Variants in CUBN observed in about 807,000 individuals in gnomAD.
CUBN encodes the protein cubilin, also known as 460 kDa receptor.
CUBN carries 282 observed loss-of-function variants against 405.3 expected under a neutral mutation model. The observed-to-expected ratio is 0.70, with a 90% confidence interval of 0.63 to 0.77. The LOEUF is 0.77. CUBN is among the 30% of genes least tolerant of loss of function. The pLI, the probability that CUBN is intolerant of heterozygous loss-of-function variation, is 0.00. For missense variants in CUBN, 4,514 were observed against 4,475.2 expected, an observed-to-expected ratio of 1.01 and a Z score of -0.25; for synonymous variants, 1,684 against 1,617.0, an observed-to-expected ratio of 1.04 and a Z score of -0.99.
intron 31 of CUBN, among the ~76,000 whole-genome samples, chr10:16,973,768 C>T (rs1833007857): frequency 6.6e-6 from 1 of 152,154 alleles, no homozygotes; most frequent in Non-Finnish European, 1.5e-5. Flanking sequence ...TGTGTTACTT[C>T]ATTTAGGATT....
intron 24 of CUBN, among the ~76,000 whole-genome samples, 167 bp downstream of exon 24, chr10:17,045,767 G>T (rs1272006507): frequency 6.6e-6 from 1 of 152,058 alleles, no homozygotes; most frequent in Non-Finnish European, 1.5e-5. Flanking sequence ...TTCTCCCTTT[G>T]TCTGTTAAAA....
intron 28 of CUBN, among the ~76,000 whole-genome samples, chr10:17,004,775 T>C (rs1833973357): frequency 6.6e-6 from 1 of 151,900 alleles, no homozygotes; most frequent in Admixed American, 6.6e-5. Flanking sequence ...TTTCAAGCTA[T>C]TCTCCTGCCT....
intron 55 of CUBN, among the ~76,000 whole-genome samples, chr10:16,889,953 A>AAG (rs57009841): frequency 0.081 from 9,576 of 117,550 alleles, 1,106 homozygotes; most frequent in South Asian, 0.11. Flanking sequence ...AAAAAAAAAA[A>AAG]CAGGAAAGAC....
chr10:16,851,515 A>T, intron 59 of CUBN, 72 bp from the exon 60 acceptor site: 1 of 1,346,270 alleles, frequency 7.4e-7, no homozygotes, highest in African/African-American at 1.4e-5. Flanking sequence ...GAGGGTTTTT[A>T]AAAAGAACAT....
intron 58 of CUBN, among the ~76,000 whole-genome samples, chr10:16,872,349 C>CATACAT (rs1554785649): frequency 1.3e-5 from 2 of 148,990 alleles, no homozygotes; most frequent in African/African-American, 5.1e-5. Flanking sequence ...TGTATACATA[C>CATACAT]ATATATATAT....
At chr10:17,120,448 C>T (rs184427861) in intron 6 of CUBN, among the ~76,000 whole-genome samples, 124 of 152,330 alleles carry the variant, frequency 8.1e-4, no homozygotes, top group Middle Eastern at 6.8e-3. Flanking sequence ...TCCAGCAAAT[C>T]TATGAAGGGC....
intron 31 of CUBN, among the ~76,000 whole-genome samples, chr10:16,954,830 CCAGTGTAGTCACCT>C (rs1843008021): frequency 6.6e-6 from 1 of 152,170 alleles, no homozygotes; most frequent in Admixed American, 6.5e-5. Context: ...CTTCCCAACC[CCAGTGTAGTCACCT>C]CACAGGCCAT....
intron 31 of CUBN, among the ~76,000 whole-genome samples, chr10:16,967,046 T>C (rs1330776344): frequency 6.6e-6 from 1 of 152,184 alleles, no homozygotes. Context: ...ATACAAGCTG[T>C]TACAGTCATA....
chr10:16,956,950 T>C (rs1480589200), intron 31 of CUBN, among the ~76,000 whole-genome samples: 2 of 152,200 alleles, frequency 1.3e-5, no homozygotes, highest in South Asian at 2.1e-4. Context: ...AATACACATA[T>C]ACATTGTGTA....
intron 56 of CUBN, among the ~76,000 whole-genome samples, chr10:16,878,153 T>C (rs1840566452): frequency 6.6e-6 from 1 of 152,142 alleles, no homozygotes; most frequent in Admixed American, 6.6e-5. Flanking sequence ...TCAGGTGTGG[T>C]GGTGCGCGCC....
intron 46 of CUBN, among the ~76,000 whole-genome samples, chr10:16,915,522 C>T (rs939513825): frequency 1.3e-5 from 2 of 152,086 alleles, no homozygotes; most frequent in Non-Finnish European, 2.9e-5. Context: ...TATAGAACAC[C>T]CCTCAAATAA....
At chr10:16,899,701 C>G (rs955657099) in intron 53 of CUBN, among the ~76,000 whole-genome samples, 8 of 152,160 alleles carry the variant, frequency 5.3e-5, no homozygotes, top group Admixed American at 5.2e-4. Context: ...TATGTAGATT[C>G]AAAGGAAGAA....
intron 28 of CUBN, among the ~76,000 whole-genome samples, chr10:16,996,023 A>G (rs1224035677): frequency 4.6e-5 from 7 of 152,026 alleles, no homozygotes; most frequent in Non-Finnish European, 7.4e-5. Flanking sequence ...ACCCTCCCCG[A>G]TCCTGACCTC....
chr10:16,953,447 C>G (rs1842971882), intron 32 of CUBN, among the ~76,000 whole-genome samples: 1 of 152,136 alleles, frequency 6.6e-6, no homozygotes, highest in Admixed American at 6.5e-5. Context: ...GACATAATGA[C>G]TACACAGACT....
At chr10:17,066,121 T>C (rs1320727822) in intron 21 of CUBN, among the ~76,000 whole-genome samples, 4 of 152,150 alleles carry the variant, frequency 2.6e-5, no homozygotes, top group Non-Finnish European at 5.9e-5. Flanking sequence ...GTTAATACCC[T>C]GTATATAAAG....
At position 17,103,233 on chromosome 10, in the gene CUBN, A is replaced by G; in HGVS notation, c.1422T>C (p.Cys474=). The G allele has an allele frequency of 6.3e-7, 1 of 1,596,392 alleles. No individual in the cohort carries two copies. The change falls in exon 13 of 67, where the codon TGT becomes TGC. Residue 474 remains cysteine (C), a synonymous_variant. Coordinates refer to ENST00000377833, the MANE Select transcript of CUBN (RefSeq NM_001081.4). ...CATTTATTCCTGAGAGGGACTCTCC[A>G]CAAACTGCAAAGGAAAAGATGAACT... is the stretch of plus-strand genomic sequence containing the variant. ...GALCQVPQQV[C]GESLSGINGS...
At chr10:16,980,895 G>A (rs1235260018) in intron 31 of CUBN, among the ~76,000 whole-genome samples, 1 of 142,450 alleles carries the variant, frequency 7.0e-6, no homozygotes, top group African/African-American at 2.7e-5. Context: ...AAAACAGAAA[G>A]AAAAAAAAAA....
intron 5 of CUBN, 53 bp from the exon 6 acceptor site, chr10:17,122,951 G>A: frequency 8.2e-7 from 1 of 1,216,908 alleles, no homozygotes; most frequent in Non-Finnish European, 1.2e-6. Flanking sequence ...GAGGTATCTG[G>A]AGCGAACATT....
At chr10:17,107,655 G>A (rs1046703302) in intron 10 of CUBN, among the ~76,000 whole-genome samples, 3 of 151,908 alleles carry the variant, frequency 2.0e-5, no homozygotes, top group African/African-American at 2.4e-5. Flanking sequence ...CCGCCACCAC[G>A]CCTGGCTAAT....
Sources: gnomAD v4.1 joint callset for allele counts (sites outside exome capture counted in the v4.1 genomes callset) on GRCh38, gnomAD v4.1.1 for gene constraint, MANE v1.5 for transcripts, NCBI Gene and HGNC (gene_info 2026-07-23, HGNC 2026-07-21) for gene names.